The following PTPRD variants were observed in gnomAD, a reference collection of about 807,000 sequenced individuals.
PTPRD encodes the protein protein tyrosine phosphatase receptor type D.
Under a neutral mutation model 214.5 loss-of-function variants are expected in PTPRD, and 34 were observed. The observed-to-expected ratio is 0.16, with a 90% CI of 0.12 to 0.21. PTPRD has a LOEUF of 0.21. PTPRD is among the 10% of genes least tolerant of loss of function. The pLI is 1.00. For missense variants in PTPRD, 2,545 were observed against 2,398.7 expected (o/e 1.06, Z -1.27); for synonymous variants, 1,128 against 845.7 (o/e 1.33, Z -5.79).
chr9:8,758,688 C>T (rs908537682), intron 11 of PTPRD, among the ~76,000 whole-genome samples: 1 of 151,830 alleles, frequency 6.6e-6, no homozygotes, highest in Admixed American at 6.6e-5. Context: ...ATTTAAAATT[C>T]TACGCAATAT....
intron 34 of PTPRD, among the ~76,000 whole-genome samples, chr9:8,437,030 T>C (rs573931859): frequency 6.6e-6 from 1 of 152,344 alleles, no homozygotes; most frequent in East Asian, 1.9e-4. Context: ...TAATGACTTT[T>C]ATGCCATTTC....
chr9:9,591,582 G>A (rs921361034), intron 7 of PTPRD, among the ~76,000 whole-genome samples: 2 of 152,120 alleles, frequency 1.3e-5, no homozygotes, highest in East Asian at 3.9e-4. Context: ...AAAGTATAAT[G>A]GCGGCAACTT....
intron 36 of PTPRD, among the ~76,000 whole-genome samples, chr9:8,394,719 G>T (rs775478485): frequency 1.3e-5 from 2 of 152,102 alleles, no homozygotes; most frequent in Admixed American, 6.6e-5. Context: ...GATAAATAGA[G>T]GCTTTGTGTC....
At position 9,727,289 on chromosome 9, in the gene PTPRD, A is replaced by C. The variant is rs542995633; in HGVS notation, c.-287+7244T>G. On this transcript the variant is annotated intron_variant, in intron 7 of 45. Transcript: ENST00000381196. Reference sequence around the variant, plus strand: ...ACATACTGAAACCCCATTTCTACTAAAAATACAAAAAGTTAGCCAGGCGTG... The same window carrying C: ...ACATACTGAAACCCCATTTCTACTACAAATACAAAAAGTTAGCCAGGCGTG... Among the ~76,000 whole-genome samples, 11 of 152,152 alleles carry C rather than the reference A, an allele frequency of 7.2e-5. No homozygotes were observed. In the East Asian group the frequency reaches 2.1e-3, roughly 30 times the overall value.
At chr9:9,553,808 T>C (rs2080890700) in intron 8 of PTPRD, among the ~76,000 whole-genome samples, 1 of 152,080 alleles carries the variant, frequency 6.6e-6, no homozygotes, top group Non-Finnish European at 1.5e-5. Flanking sequence ...GTTCAATAAT[T>C]ACATTTAGAC....
chr9:10,113,197 T>C (rs1434526155), intron 3 of PTPRD, among the ~76,000 whole-genome samples: 1 of 152,236 alleles, frequency 6.6e-6, no homozygotes, highest in Non-Finnish European at 1.5e-5. Context: ...ATATTCATAA[T>C]AACTAAACAG....
chr9:10,174,722 G>C (rs1046077895), intron 3 of PTPRD, among the ~76,000 whole-genome samples: 1 of 151,886 alleles, frequency 6.6e-6, no homozygotes, highest in Non-Finnish European at 1.5e-5. Flanking sequence ...TATATGTACA[G>C]ATGCCTACGG....
chr9:10,284,258 C>A (rs1252974803), intron 3 of PTPRD, among the ~76,000 whole-genome samples: 1 of 152,090 alleles, frequency 6.6e-6, no homozygotes, highest in Non-Finnish European at 1.5e-5. Context: ...AAATAAAAAT[C>A]TCTGATGCAA....
chr9:8,888,387 C>T (rs1311117248), intron 11 of PTPRD, among the ~76,000 whole-genome samples: 2 of 151,906 alleles, frequency 1.3e-5, no homozygotes, highest in African/African-American at 2.4e-5. Flanking sequence ...ATACCTTCAC[C>T]CAATGGTTTT....
At chr9:9,486,941 T>A (rs1319121736) in intron 8 of PTPRD, among the ~76,000 whole-genome samples, 2 of 152,198 alleles carry the variant, frequency 1.3e-5, no homozygotes, top group Non-Finnish European at 2.9e-5. Context: ...GCCTTGCAAA[T>A]GGCAAGTTCT....
intron 36 of PTPRD, among the ~76,000 whole-genome samples, chr9:8,395,530 A>G (rs2090895038): frequency 6.6e-6 from 1 of 152,140 alleles, no homozygotes; most frequent in African/African-American, 2.4e-5. Flanking sequence ...TCTGCAACAT[A>G]CCAAATAAAG....
chr9:10,141,558 C>T (rs957837764), intron 3 of PTPRD, among the ~76,000 whole-genome samples: 6 of 152,048 alleles, frequency 3.9e-5, no homozygotes, highest in African/African-American at 1.5e-4. Context: ...TGTGAAGGAC[C>T]TCTCCAAGGA....
intron 10 of PTPRD, among the ~76,000 whole-genome samples, chr9:9,061,159 C>G (rs2154401226): frequency 6.6e-6 from 1 of 152,218 alleles, no homozygotes; most frequent in African/African-American, 2.4e-5. Context: ...CGGCTATTTT[C>G]ATCATGGTTA....
chr9:10,240,665 G>A (rs2099644455), intron 3 of PTPRD, among the ~76,000 whole-genome samples: 1 of 151,800 alleles, frequency 6.6e-6, no homozygotes, highest in African/African-American at 2.4e-5. Context: ...ATGACAAAAT[G>A]TTAATTTTTT....
intron 8 of PTPRD, among the ~76,000 whole-genome samples, chr9:9,416,736 A>G (rs2077106197): frequency 6.6e-6 from 1 of 152,066 alleles, no homozygotes; most frequent in Non-Finnish European, 1.5e-5. Context: ...TGTTCTACCC[A>G]TTTGATAGGC....
At chr9:9,278,770 G>C (rs1026064124) in intron 9 of PTPRD, among the ~76,000 whole-genome samples, 1 of 151,288 alleles carries the variant, frequency 6.6e-6, no homozygotes, top group Non-Finnish European at 1.5e-5. Flanking sequence ...TTACTTTCAA[G>C]TGTTATTGTG....
At chr9:9,234,187 G>A (rs1012340863) in intron 9 of PTPRD, among the ~76,000 whole-genome samples, 11 of 152,176 alleles carry the variant, frequency 7.2e-5, no homozygotes, top group African/African-American at 2.7e-4. Flanking sequence ...CTTAACTTCT[G>A]TGCACCTGCA....
At chr9:8,483,462 C>T (rs544578780) in intron 30 of PTPRD, among the ~76,000 whole-genome samples, 39 of 152,138 alleles carry the variant, frequency 2.6e-4, no homozygotes, top group Admixed American at 2.4e-3. Context: ...ACATAAAATG[C>T]TTTGTAGTAG....
intron 6 of PTPRD, among the ~76,000 whole-genome samples, chr9:9,764,665 A>C (rs978185623): frequency 2.0e-5 from 3 of 152,162 alleles, no homozygotes; most frequent in African/African-American, 7.2e-5. Flanking sequence ...ACTTTAGGCT[A>C]ATTGTATCAT....
Sources: allele counts gnomAD v4.1 joint callset (sites outside exome capture counted in the v4.1 genomes callset), GRCh38; gene constraint gnomAD v4.1.1; transcripts MANE v1.5; gene names NCBI Gene and HGNC (gene_info 2026-07-23, HGNC 2026-07-21).